The following SP100 variants were observed in gnomAD, a reference collection of about 807,000 sequenced individuals.
SP100 encodes SP100 nuclear body protein.
A neutral mutation model predicts 130.0 loss-of-function variants in SP100; 84 were observed. That is an observed-to-expected ratio of 0.65 (90% CI 0.54 to 0.77). The LOEUF is 0.77. Ranked by LOEUF, SP100 falls within the 30% of genes least tolerant of loss-of-function variation. SP100 has a pLI of 0.00. For missense variants in SP100, 978 were observed against 1,052.2 expected, an observed-to-expected ratio of 0.93 and a Z score of 0.97; for synonymous variants, 331 against 351.7, an observed-to-expected ratio of 0.94 and a Z score of 0.66.
At chr2:230,487,273 A>G (rs747333882) in intron 17 of SP100, among the ~76,000 whole-genome samples, 2 of 152,064 alleles carry the variant, frequency 1.3e-5, no homozygotes, top group Non-Finnish European at 2.9e-5. Flanking sequence ...TGTTTTGCCT[A>G]TGTTTTCTTC....
chr2:230,534,208 C>A (rs1691828549), intron 24 of SP100, among the ~76,000 whole-genome samples: 1 of 152,132 alleles, frequency 6.6e-6, no homozygotes, highest in Non-Finnish European at 1.5e-5. Context: ...GAGATTGAGA[C>A]CATCCTGGCT....
At chr2:230,531,439 G>A (rs1691698964) in intron 24 of SP100, among the ~76,000 whole-genome samples, 1 of 151,944 alleles carries the variant, frequency 6.6e-6, no homozygotes, top group Admixed American at 6.6e-5. Context: ...GGCTGGGGGA[G>A]GGATAGCATT....
intron 24 of SP100, among the ~76,000 whole-genome samples, chr2:230,519,619 G>A (rs550073649): frequency 1.3e-5 from 2 of 152,120 alleles, no homozygotes; most frequent in Non-Finnish European, 2.9e-5. Context: ...AGAAGAAATT[G>A]GAATGAAAGG....
chr2:230,437,268 G>T (rs1575603731), intron 2 of SP100, among the ~76,000 whole-genome samples: 1 of 152,026 alleles, frequency 6.6e-6, no homozygotes, highest in Admixed American at 6.6e-5. Flanking sequence ...ACTTTCTAAA[G>T]TTGAACTATT....
chr2:230,544,512 A>G lies in SP100; in HGVS notation c.*1566A>G, dbSNP rs1692262857. 6.6e-6 allele frequency among the ~76,000 whole-genome samples: 1 copy of G among 151,676 alleles called. No homozygotes were observed. Among genetic ancestry groups the G allele is most frequent in the Non-Finnish European group, 1.5e-5 (1 of 67,918 alleles). ...AAGACACTTTTTTTTTTTAAGATGGAGTTTCACTCTTGTTGCCCAGGCCAG... is the reference window on the plus strand; with the variant it reads ...AAGACACTTTTTTTTTTTAAGATGGGGTTTCACTCTTGTTGCCCAGGCCAG... On this transcript the variant is annotated 3_prime_UTR_variant, in exon 29 of 29. Coordinates refer to ENST00000340126, the MANE Select transcript of SP100 (RefSeq NM_001080391.2).
At chr2:230,526,356 G>T (rs1691426189) in intron 24 of SP100, among the ~76,000 whole-genome samples, 1 of 152,132 alleles carries the variant, frequency 6.6e-6, no homozygotes, top group African/African-American at 2.4e-5. Context: ...AAACAGAAAG[G>T]AATAGCAAAA....
At chr2:230,449,821 A>G (rs2063884882) in intron 7 of SP100, 111 bp downstream of exon 7, 13 of 1,113,126 alleles carry the variant, frequency 1.2e-5, no homozygotes, top group Non-Finnish European at 2.6e-6. Context: ...CAAGCAGGGG[A>G]AAATCACATA....
In SP100 at chr2:230,416,308, G is replaced by C. The variant is rs1295552154; in HGVS notation, c.12G>C (p.Gly4=). Residue 4 remains glycine (G), a synonymous_variant, in exon 1 of 29, where the codon GGG becomes GGC. Coordinates refer to ENST00000340126, the MANE Select transcript of SP100 (RefSeq NM_001080391.2). ...CCTAGGGTGGGAAGATGGCAGGTGG[G>C]GGCGGCGACCTGAGCACCAGGTGAG... MAG[G]GGDLSTRRLN... 2.5e-6 allele frequency: 4 copies of C among 1,613,526 alleles called. No homozygotes were observed. Among genetic ancestry groups the C allele is most frequent in the Non-Finnish European group, 3.4e-6 (4 of 1,179,670 alleles).
At chr2:230,473,034 A>G (rs1370753121) in intron 15 of SP100, 1 of 259,418 alleles carries the variant, frequency 3.9e-6, no homozygotes, top group Non-Finnish European at 7.5e-6. Context: ...TAACACCTCC[A>G]AAACTGAGCA....
intron 24 of SP100, among the ~76,000 whole-genome samples, chr2:230,532,224 A>AT (rs151127829): frequency 0.16 from 24,805 of 152,114 alleles, 2,444 homozygotes; most frequent in Non-Finnish European, 0.22. Flanking sequence ...CTAGAAAAAA[A>AT]TAAATAAATA....
intron 23 of SP100, chr2:230,508,788 G>A (rs1287926142): frequency 6.6e-6 from 1 of 152,018 alleles, no homozygotes; most frequent in Non-Finnish European, 1.5e-5. Flanking sequence ...AGTTCCCCTA[G>A]AAACATCCCA....
At chr2:230,445,455 T>C (rs1326513151) in intron 4 of SP100, among the ~76,000 whole-genome samples, 2 of 152,148 alleles carry the variant, frequency 1.3e-5, no homozygotes, top group African/African-American at 4.8e-5. Flanking sequence ...GAGGAAGATA[T>C]TGAAAGGCCT....
intron 25 of SP100, among the ~76,000 whole-genome samples, chr2:230,540,062 G>T (rs896380346): frequency 3.9e-5 from 6 of 152,178 alleles, no homozygotes; most frequent in Non-Finnish European, 7.4e-5. Flanking sequence ...CATCTCAGGG[G>T]ATCAGCATAA....
rs188954058 is a variant in SP100, at chr2:230,481,239, C to T, written c.1600+6792C>T. 1.2e-3 allele frequency among the ~76,000 whole-genome samples: 185 copies of T among 152,210 alleles called. 1 individual carries two copies. The highest frequency in any genetic ancestry group is 2.3e-3 in the Non-Finnish European group (154 of 68,028). Reference sequence around the variant, plus strand: ...CTTTTCTTCTCTCTCTCCTCAACTGCGAAGTCATAAATTCAACTTCTTACT... The same window carrying T: ...CTTTTCTTCTCTCTCTCCTCAACTGTGAAGTCATAAATTCAACTTCTTACT... On this transcript the variant is annotated intron_variant, in intron 17 of 28. Transcript: ENST00000340126.
At chr2:230,429,133 G>A (rs1384983212) in intron 2 of SP100, among the ~76,000 whole-genome samples, 1 of 152,102 alleles carries the variant, frequency 6.6e-6, no homozygotes, top group Admixed American at 6.5e-5. Flanking sequence ...TGCAAGACAG[G>A]TCTAGTGATG....
intron 24 of SP100, among the ~76,000 whole-genome samples, chr2:230,524,700 G>A (rs1322601057): frequency 6.6e-6 from 1 of 152,188 alleles, no homozygotes; most frequent in Admixed American, 6.5e-5. Context: ...CTCATTGGTT[G>A]TCTGGTAATT....
intron 17 of SP100, among the ~76,000 whole-genome samples, chr2:230,491,687 G>C (rs2066399613): frequency 6.6e-6 from 1 of 152,166 alleles, no homozygotes. Context: ...CCAGCAAAGG[G>C]AAAATCTGCC....
At chr2:230,427,804 C>T (rs529869399) in intron 2 of SP100, among the ~76,000 whole-genome samples, 3 of 152,324 alleles carry the variant, frequency 2.0e-5, no homozygotes, top group African/African-American at 7.2e-5. Flanking sequence ...CAACTTCAAA[C>T]ACATACAAAA....
At chr2:230,454,706 T>G (rs73095041) in intron 8 of SP100, among the ~76,000 whole-genome samples, 16,437 of 152,212 alleles carry the variant, frequency 0.11, 930 homozygotes, top group Middle Eastern at 0.22. Flanking sequence ...GCCTAACATA[T>G]GATGTATCCT....
Sources: gnomAD v4.1 joint callset for allele counts (sites outside exome capture counted in the v4.1 genomes callset) on GRCh38, gnomAD v4.1.1 for gene constraint, MANE v1.5 for transcripts, NCBI Gene and HGNC (gene_info 2026-07-23, HGNC 2026-07-21) for gene names.